Variants in POLA1 observed in about 807,000 individuals in gnomAD.
POLA1 encodes the protein DNA polymerase alpha catalytic subunit.
POLA1 carries 15 observed loss-of-function variants against 124.0 expected under a neutral mutation model. That is an observed-to-expected ratio of 0.12 (90% CI 0.08 to 0.19). The LOEUF is 0.19. Among genes scored for constraint, POLA1 ranks in the 10% least tolerant of loss-of-function variants. The pLI is 1.00. For missense variants in POLA1, 886 were observed against 1,103.4 expected, an observed-to-expected ratio of 0.80 and a Z score of 2.79; for synonymous variants, 408 against 389.4, an observed-to-expected ratio of 1.05 and a Z score of -0.56.
At chrX:24,909,584 C>T (rs1296320597) in intron 35 of POLA1, among the ~76,000 whole-genome samples, 3 of 110,255 alleles carry the variant, frequency 2.7e-5, no homozygotes. Context: ...TGTTCTGTTC[C>T]ATTGGTCTAT....
intron 26 of POLA1, among the ~76,000 whole-genome samples, chrX:24,791,378 A>G (rs2045493065): frequency 8.9e-6 from 1 of 111,788 alleles, no homozygotes; most frequent in South Asian, 3.7e-4. Flanking sequence ...TAAAGCCTTG[A>G]TTGTTTTTGT....
intron 26 of POLA1, chrX:24,788,597 A>G (rs780888407): frequency 9.2e-6 from 11 of 1,191,843 alleles, no homozygotes; most frequent in African/African-American, 1.7e-5. Context: ...GCGCTCCTCT[A>G]ATTTCGCCAT....
chrX:24,854,479 G>A (rs996032255), intron 34 of POLA1, among the ~76,000 whole-genome samples: 2 of 111,193 alleles, frequency 1.8e-5, no homozygotes, highest in Non-Finnish European at 3.8e-5. Flanking sequence ...TATAAAAAAT[G>A]TTTTGACTTT....
At chrX:24,986,264 T>G (rs1601934191) in intron 36 of POLA1, among the ~76,000 whole-genome samples, 1 of 111,670 alleles carries the variant, frequency 9.0e-6, no homozygotes, top group Non-Finnish European at 1.9e-5. Context: ...TTAAAATAGC[T>G]AAGTAGGGTG....
At chrX:24,744,691 G>T in intron 23 of POLA1, 1 of 289,293 alleles carries the variant, frequency 3.5e-6, no homozygotes, top group South Asian at 3.4e-5. Context: ...GGTGGCTCAC[G>T]CCTGTAATTT....
intron 34 of POLA1, among the ~76,000 whole-genome samples, chrX:24,878,427 T>A (rs1346095197): frequency 9.0e-6 from 1 of 111,572 alleles, no homozygotes; most frequent in Non-Finnish European, 1.9e-5. Flanking sequence ...TCCAATTGAA[T>A]TTTGTTTTAT....
chrX:24,700,206 C>G (rs934127790), intron 2 of POLA1, among the ~76,000 whole-genome samples: 1 of 109,051 alleles, frequency 9.2e-6, no homozygotes, highest in Non-Finnish European at 1.9e-5. Flanking sequence ...ACTTTTTGAA[C>G]TAACATATTA....
chrX:24,742,205 T>G, intron 22 of POLA1, 84 bp downstream of exon 22: 1 of 840,049 alleles, frequency 1.2e-6, no homozygotes, highest in Non-Finnish European at 1.7e-6. Context: ...TTTTCTGTGA[T>G]AACATCTGCT....
At chrX:24,911,969 A>G (rs1300147682) in intron 35 of POLA1, among the ~76,000 whole-genome samples, 1 of 112,583 alleles carries the variant, frequency 8.9e-6, no homozygotes, top group Non-Finnish European at 1.9e-5. Flanking sequence ...GGAGGAATCA[A>G]TACATAGCTT....
intron 17 of POLA1, chrX:24,734,105 G>A (rs1433180191): frequency 6.2e-6 from 1 of 160,724 alleles, no homozygotes; most frequent in Non-Finnish European, 1.2e-5. Flanking sequence ...TAAAATGCAT[G>A]ATCATATGAT....
At chrX:24,696,441 T>C (rs183981486) in intron 1 of POLA1, among the ~76,000 whole-genome samples, 1 of 112,293 alleles carries the variant, frequency 8.9e-6, no homozygotes, top group East Asian at 2.8e-4. Context: ...GCCGGTTTTG[T>C]AATCCTTCTG....
chrX:24,756,171 A>G (rs73207255), intron 26 of POLA1, among the ~76,000 whole-genome samples: 2,511 of 112,054 alleles, frequency 0.022, 36 homozygotes, highest in Non-Finnish European at 0.037. Context: ...AGAGTAGCTC[A>G]TATTTCCAAC....
chrX:24,951,958 A>T (rs781343611), intron 36 of POLA1, among the ~76,000 whole-genome samples: 123 of 112,001 alleles, frequency 1.1e-3, no homozygotes, highest in South Asian at 4.9e-3. Flanking sequence ...TGCTGTGTAA[A>T]GGTTCCAAAT....
At chrX:24,973,124 G>A (rs2048323171) in intron 36 of POLA1, among the ~76,000 whole-genome samples, 1 of 111,964 alleles carries the variant, frequency 8.9e-6, no homozygotes, top group Non-Finnish European at 1.9e-5. Flanking sequence ...GGGAGGCCAA[G>A]GCTTGCAGAT....
chrX:24,943,982 A>G (rs1158561098), intron 36 of POLA1, among the ~76,000 whole-genome samples: 1 of 112,033 alleles, frequency 8.9e-6, no homozygotes, highest in African/African-American at 3.2e-5. Context: ...AAGACACCCA[A>G]CAAACTCAAG....
chrX:24,906,489 G>T (rs2047367405), intron 35 of POLA1, among the ~76,000 whole-genome samples: 1 of 107,015 alleles, frequency 9.3e-6, no homozygotes, highest in South Asian at 4.4e-4. Flanking sequence ...GGATGCAAAG[G>T]CATAAGAATG....
chrX:24,765,292 G>GTT (rs1299765675), intron 26 of POLA1, among the ~76,000 whole-genome samples: 32 of 92,001 alleles, frequency 3.5e-4, no homozygotes, highest in African/African-American at 1.2e-3. Flanking sequence ...TGTTTTTTTT[G>GTT]TTTTTTTTTT....
rs1345409725 is a variant in POLA1, at chrX:24,724,416, G to A, written c.1282G>A (p.Ala428Thr). 6 of 1,064,594 alleles carry A rather than the reference G, an allele frequency of 5.6e-6. No homozygotes were observed. The East Asian group carries it at 1.5e-4, about 27-fold the overall frequency. The allele number at this position is 1,064,594 out of a possible 1,213,427, so 87.7% of individuals were successfully genotyped here. A position where few individuals can be genotyped will look rare whatever the true frequency, so the allele number is the denominator to read the frequency against. Residue 428 changes from alanine (A) to threonine (T), a missense_variant, in exon 12 of 37, where the codon GCA (alanine) becomes ACA (threonine). By Grantham distance (58) the Ala-to-Thr change is moderately conservative. Transcript: ENST00000379068. The part of the protein sequence containing the change: ...DVYEEFDEKI[A>T]TKYKIMKFKS... The stretch of plus-strand genomic sequence containing the variant: ...TTATGAGGAATTTGATGAGAAAATA[G>A]CAACAAAATATAAAATTATGAAGTT...
chrX:24,786,645 A>T (rs2045367210), intron 26 of POLA1, among the ~76,000 whole-genome samples: 1 of 101,529 alleles, frequency 9.8e-6, no homozygotes, highest in African/African-American at 3.6e-5. Flanking sequence ...AGTAGCTAGG[A>T]CTGTGGGTGT....
Sources: gnomAD v4.1 joint callset for allele counts (sites outside exome capture counted in the v4.1 genomes callset) on GRCh38, gnomAD v4.1.1 for gene constraint, MANE v1.5 for transcripts, NCBI Gene and HGNC (gene_info 2026-07-23, HGNC 2026-07-21) for gene names.